Variants in GALNT2 observed in about 807,000 individuals in gnomAD.
GALNT2 encodes the protein UDP-GalNAc:polypeptide N-acetylgalactosaminyltransferase 2.
A neutral mutation model predicts 81.4 loss-of-function variants in GALNT2; 31 were observed. The observed-to-expected ratio is 0.38, with a 90% CI of 0.29 to 0.51. The LOEUF is 0.51. Among genes scored for constraint, GALNT2 ranks in the 20% least tolerant of loss-of-function variants. The pLI is 0.87. For missense variants in GALNT2, 629 were observed against 765.7 expected (o/e 0.82, Z 2.11); for synonymous variants, 303 against 287.4 (o/e 1.05, Z -0.55).
chr1:230,090,675 CTG>C (rs1660043837), intron 1 of GALNT2, among the ~76,000 whole-genome samples: 1 of 152,186 alleles, frequency 6.6e-6, no homozygotes, highest in South Asian at 2.1e-4. Context: ...AGGTTTCTAT[CTG>C]TGTTTTTCTG....
At position 230,178,321 on chromosome 1, in the gene GALNT2, G is replaced by A. The variant is rs1361308922; in HGVS notation, c.220+10G>A. 2 of 1,607,826 alleles carry A rather than the reference G, an allele frequency of 1.2e-6. No homozygotes were observed. On this transcript the variant is annotated intron_variant, in intron 2 of 15. Coordinates refer to ENST00000366672, the MANE Select transcript of GALNT2 (RefSeq NM_004481.5). Reference sequence around the variant, plus strand: ...GAGACCCTCCCTCCAGGTACTGCCAGGGGCCAGGAAGCCATCTTGCTTTGA... The same window carrying A: ...GAGACCCTCCCTCCAGGTACTGCCAAGGGCCAGGAAGCCATCTTGCTTTGA...
intron 2 of GALNT2, among the ~76,000 whole-genome samples, chr1:230,182,656 C>T (rs653523): frequency 0.23 from 35,093 of 152,004 alleles, 4,908 homozygotes; most frequent in African/African-American, 0.39. Flanking sequence ...CAGAATGTGG[C>T]CTCTTTTGGT....
chr1:230,109,869 G>A (rs1460080417), intron 1 of GALNT2, among the ~76,000 whole-genome samples: 1 of 151,872 alleles, frequency 6.6e-6, no homozygotes, highest in Non-Finnish European at 1.5e-5. Context: ...TAGGGAGGCA[G>A]TCAGTGAGCC....
At chr1:230,259,914 A>G (rs1665826490) in intron 11 of GALNT2, among the ~76,000 whole-genome samples, 1 of 152,228 alleles carries the variant, frequency 6.6e-6, no homozygotes, top group African/African-American at 2.4e-5. Context: ...GTTTGGGGAA[A>G]GGGCTGTTAC....
At chr1:230,077,526 G>A (rs1387238279) in intron 1 of GALNT2, among the ~76,000 whole-genome samples, 1 of 152,252 alleles carries the variant, frequency 6.6e-6, no homozygotes, top group East Asian at 1.9e-4. Flanking sequence ...TCTACTTATT[G>A]AAAGAGCTCT....
chr1:230,171,787 A>G (rs1002801419), intron 1 of GALNT2, among the ~76,000 whole-genome samples: 4 of 152,160 alleles, frequency 2.6e-5, no homozygotes, highest in Non-Finnish European at 4.4e-5. Flanking sequence ...GTGTTTCATA[A>G]TTCAAAAATG....
At chr1:230,103,395 A>T (rs891519905) in intron 1 of GALNT2, among the ~76,000 whole-genome samples, 2 of 152,236 alleles carry the variant, frequency 1.3e-5, no homozygotes, top group Non-Finnish European at 2.9e-5. Flanking sequence ...TTCAGCAATA[A>T]TTAGCCACAG....
chr1:230,227,392 C>G (rs1664745800), intron 3 of GALNT2, among the ~76,000 whole-genome samples: 1 of 151,284 alleles, frequency 6.6e-6, no homozygotes, highest in Non-Finnish European at 1.5e-5. Flanking sequence ...TGGTTATAGA[C>G]TCAGAAAATC....
At chr1:230,165,587 G>A (rs1662577245) in intron 1 of GALNT2, among the ~76,000 whole-genome samples, 1 of 152,224 alleles carries the variant, frequency 6.6e-6, no homozygotes, top group African/African-American at 2.4e-5. Context: ...AATTTACACT[G>A]TGTCCTTTTG....
chr1:230,060,139 T>C (rs1311499196), intron 1 of GALNT2, among the ~76,000 whole-genome samples: 1 of 152,246 alleles, frequency 6.6e-6, no homozygotes, highest in Non-Finnish European at 1.5e-5. Context: ...TCTTTCTTTG[T>C]CTTTCACAAT....
chr1:230,273,671 G>T (rs538461620), intron 14 of GALNT2, among the ~76,000 whole-genome samples: 1 of 152,250 alleles, frequency 6.6e-6, no homozygotes, highest in African/African-American at 2.4e-5. Context: ...ACTTGTGTGT[G>T]TTTGTACATA....
At chr1:230,147,336 A>T (rs1014731806) in intron 1 of GALNT2, among the ~76,000 whole-genome samples, 6 of 152,176 alleles carry the variant, frequency 3.9e-5, no homozygotes, top group Non-Finnish European at 8.8e-5. Context: ...ATTTTATTCA[A>T]CATTCATTGT....
chr1:230,277,375 T>G (rs1047971892), intron 15 of GALNT2, among the ~76,000 whole-genome samples: 1 of 152,196 alleles, frequency 6.6e-6, no homozygotes, highest in Non-Finnish European at 1.5e-5. Context: ...AGCTGATGCT[T>G]TGACACATGA....
At chr1:230,089,322 T>C (rs1488489273) in intron 1 of GALNT2, among the ~76,000 whole-genome samples, 1 of 151,002 alleles carries the variant, frequency 6.6e-6, no homozygotes, top group African/African-American at 2.4e-5. Flanking sequence ...GTTTTTTGCG[T>C]GTGTGTGTGT....
chr1:230,198,646 G>A (rs1307460786), intron 2 of GALNT2, among the ~76,000 whole-genome samples: 1 of 152,202 alleles, frequency 6.6e-6, no homozygotes, highest in East Asian at 1.9e-4. Context: ...CCTCATTCCA[G>A]CCCAGGTAGG....
At chr1:230,061,898 T>C (rs1422404938) in intron 1 of GALNT2, among the ~76,000 whole-genome samples, 1 of 152,264 alleles carries the variant, frequency 6.6e-6, no homozygotes, top group African/African-American at 2.4e-5. Context: ...GCTATAACAC[T>C]TACATGTATG....
chr1:230,078,487 T>G (rs1387347828), intron 1 of GALNT2, among the ~76,000 whole-genome samples: 1 of 152,256 alleles, frequency 6.6e-6, no homozygotes, highest in Non-Finnish European at 1.5e-5. Context: ...TGTGATCGTA[T>G]TAGTCCAGAG....
intron 11 of GALNT2, 30 bp downstream of exon 11, chr1:230,255,374 A>G (rs771381238): frequency 2.5e-6 from 4 of 1,613,902 alleles, no homozygotes; most frequent in Middle Eastern, 1.7e-4. Context: ...GCGGGGTCCA[A>G]AACATTGATG....
At chr1:230,253,354 CCT>C (rs1042213705) in intron 10 of GALNT2, among the ~76,000 whole-genome samples, 3 of 152,040 alleles carry the variant, frequency 2.0e-5, no homozygotes, top group African/African-American at 7.2e-5. Flanking sequence ...TGTTCTGACC[CCT>C]GTGTTGTATT....
Sources: gnomAD v4.1 joint callset for allele counts (sites outside exome capture counted in the v4.1 genomes callset) on GRCh38, gnomAD v4.1.1 for gene constraint, MANE v1.5 for transcripts, NCBI Gene and HGNC (gene_info 2026-07-23, HGNC 2026-07-21) for gene names.